ETS1: variants seen among roughly 807,000 people sequenced by gnomAD.
ETS1 encodes ETS proto-oncogene 1, transcription factor.
Under a neutral mutation model 58.6 loss-of-function variants are expected in ETS1, and 15 were observed. The observed-to-expected ratio is 0.26, with a 90% CI of 0.17 to 0.39. ETS1 has a LOEUF of 0.39. Ranked by LOEUF, ETS1 falls within the 10% of genes least tolerant of loss-of-function variation. The pLI, the probability that ETS1 is intolerant of heterozygous loss-of-function variation, is 1.00. For missense variants in ETS1, 417 were observed against 610.5 expected, an observed-to-expected ratio of 0.68 and a Z score of 3.34; for synonymous variants, 214 against 218.2, an observed-to-expected ratio of 0.98 and a Z score of 0.17.
At chr11:128,581,629 G>A (rs538576481) in intron 1 of ETS1, among the ~76,000 whole-genome samples, 1 of 152,126 alleles carries the variant, frequency 6.6e-6, no homozygotes, top group African/African-American at 2.4e-5. Context: ...TCGTAATAGA[G>A]GCCATGGAAT....
rs1304765667 is a variant in ETS1 at position 128,462,298 on chromosome 11, G to A, written c.*63C>T. 1.5e-6 allele frequency: 2 copies of A among 1,302,164 alleles called. No homozygotes were observed. The highest frequency in any genetic ancestry group is 2.2e-6 in the Non-Finnish European group (2 of 912,382). The allele number at this position is 1,302,164 out of a possible 1,614,324, so 80.7% of individuals were successfully genotyped here. A position where few individuals can be genotyped will look rare whatever the true frequency, so the allele number is the denominator to read the frequency against. ...ATAGAATAACAATTCAAAATTCAGA[G>A]TCCAACCAACACGGCTGTCCTTGGA... is the stretch of plus-strand genomic sequence containing the variant. On this transcript the variant is annotated 3_prime_UTR_variant, in exon 10 of 10. Transcript: ENST00000392668.
chr11:128,488,177 T>C (rs1862691479), intron 5 of ETS1, among the ~76,000 whole-genome samples: 1 of 152,196 alleles, frequency 6.6e-6, no homozygotes, highest in African/African-American at 2.4e-5. Flanking sequence ...TCAACACCTA[T>C]GAGTGGGTGT....
At chr11:128,473,376 A>G (rs879440413) in intron 8 of ETS1, among the ~76,000 whole-genome samples, 24 of 152,236 alleles carry the variant, frequency 1.6e-4, no homozygotes, top group Non-Finnish European at 2.4e-4. Context: ...CTTCCTGTAT[A>G]CCCAGCACTG....
intron 3 of ETS1, among the ~76,000 whole-genome samples, chr11:128,528,391 T>C (rs1863839084): frequency 6.6e-6 from 1 of 152,110 alleles, no homozygotes; most frequent in African/African-American, 2.4e-5. Flanking sequence ...ATATAGAGTG[T>C]GTTTCTCAGT....
intron 3 of ETS1, among the ~76,000 whole-genome samples, chr11:128,529,615 G>A (rs1863862866): frequency 1.3e-5 from 2 of 152,268 alleles, no homozygotes; most frequent in African/African-American, 4.8e-5. Context: ...AGTTCTGAGG[G>A]GGAATCATGA....
chr11:128,533,244 A>G (rs978424495), intron 3 of ETS1, among the ~76,000 whole-genome samples: 1 of 152,234 alleles, frequency 6.6e-6, no homozygotes, highest in African/African-American at 2.4e-5. Context: ...ATCTTTGGCC[A>G]GCATTCCCCA....
intron 3 of ETS1, among the ~76,000 whole-genome samples, chr11:128,546,531 A>T (rs1864135311): frequency 6.6e-6 from 1 of 152,188 alleles, no homozygotes; most frequent in Non-Finnish European, 1.5e-5. Context: ...AGTCATCTCA[A>T]ATTTACTTAT....
At chr11:128,554,418 T>C (rs932717973) in intron 3 of ETS1, among the ~76,000 whole-genome samples, 1 of 152,016 alleles carries the variant, frequency 6.6e-6, no homozygotes, top group African/African-American at 2.4e-5. Flanking sequence ...AACTATAAAC[T>C]ATGAGAAGAA....
intron 2 of ETS1, among the ~76,000 whole-genome samples, chr11:128,560,173 C>T (rs895905201): frequency 1.3e-5 from 2 of 151,872 alleles, no homozygotes; most frequent in South Asian, 2.1e-4. Context: ...AGTGCAGTGG[C>T]GCAATCTCGG....
At position 128,581,259 on chromosome 11, in the gene ETS1, A is replaced by G. The variant is rs114612598; in HGVS notation, c.-15+6229T>C. Among the ~76,000 whole-genome samples, 1,044 of 152,310 alleles carry G rather than the reference A, an allele frequency of 6.9e-3. 14 individuals are homozygous for G. Among genetic ancestry groups the G allele is most frequent in the African/African-American group, 0.023 (942 of 41,566 alleles). ...GACTCTTAGGTCTAGGAATCTAACT[A>G]AGAAAATGCCAATTCTAGTCTCTGA... On this transcript the variant is annotated intron_variant, in intron 1 of 9. Transcript: ENST00000392668.
rs187154249 is a variant in ETS1, at chr11:128,566,611, G to A, written c.69+6451C>T. 6.2e-3 allele frequency among the ~76,000 whole-genome samples: 949 copies of A among 152,020 alleles called. 9 individuals are homozygous for A. Among genetic ancestry groups the A allele is most frequent in the African/African-American group, 0.017 (710 of 41,480 alleles). On this transcript the variant is annotated intron_variant, in intron 2 of 9. Coordinates refer to ENST00000392668, the MANE Select transcript of ETS1 (RefSeq NM_001143820.2). ...ATCCTGGCTAACACAGTGAAACCCC[G>A]TCTCTACTAAAAATACAAAAAATTA...
At chr11:128,489,939 A>G (rs1441506707) in intron 4 of ETS1, among the ~76,000 whole-genome samples, 2 of 152,192 alleles carry the variant, frequency 1.3e-5, no homozygotes, top group East Asian at 1.9e-4. Flanking sequence ...ATCTTAGCCA[A>G]TTATAGTGGT....
At chr11:128,494,441 G>C (rs1862884393) in intron 3 of ETS1, among the ~76,000 whole-genome samples, 1 of 152,176 alleles carries the variant, frequency 6.6e-6, no homozygotes, top group South Asian at 2.1e-4. Flanking sequence ...GAAGTGAGCA[G>C]GTAGCTTTCT....
intron 8 of ETS1, among the ~76,000 whole-genome samples, chr11:128,479,867 G>A (rs374578777): frequency 2.0e-5 from 3 of 151,774 alleles, no homozygotes; most frequent in African/African-American, 4.8e-5. Context: ...CTGATGCCAG[G>A]CCACTAGATA....
chr11:128,496,102 ATAGAGT>A (rs1165710720), intron 3 of ETS1, among the ~76,000 whole-genome samples: 1 of 152,164 alleles, frequency 6.6e-6, no homozygotes, highest in Non-Finnish European at 1.5e-5. Context: ...AAGGGAGATC[ATAGAGT>A]TAAAGTTCAA....
At chr11:128,510,485 G>A (rs1337411033) in intron 3 of ETS1, among the ~76,000 whole-genome samples, 2 of 152,082 alleles carry the variant, frequency 1.3e-5, no homozygotes, top group Non-Finnish European at 2.9e-5. Flanking sequence ...TTCAAACCGG[G>A]CAAAGCTAAG....
At chr11:128,544,879 T>C (rs1864109486) in intron 3 of ETS1, among the ~76,000 whole-genome samples, 1 of 152,188 alleles carries the variant, frequency 6.6e-6, no homozygotes, top group African/African-American at 2.4e-5. Context: ...GTCTCTCTAT[T>C]CAGAGGTCTG....
chr11:128,484,768 A>G (rs2135450314), intron 7 of ETS1, 55 bp downstream of exon 7: 1 of 1,541,682 alleles, frequency 6.5e-7, no homozygotes, highest in Non-Finnish European at 8.8e-7. Flanking sequence ...AAAAACTCAC[A>G]AAGTCAGGTA....
chr11:128,480,337 G>A lies in ETS1; in HGVS notation c.977C>T (p.Ser326Phe). The change falls in exon 8 of 10, where the codon TCC (serine) becomes TTC (phenylalanine). Residue 326 changes from serine (S) to phenylalanine (F), a missense_variant. Ser to Phe is a radical substitution (Grantham distance 155). Transcript: ENST00000392668. The part of the protein sequence containing the change: ...SSFNSLQRVP[S>F]YDSFDSEDYP... Reference sequence around the variant, plus strand: ...GTCCTCTGAGTCGAAGCTGTCATAGGAGGGAACACGCTGCAGGCTGTTGAA... The same window carrying A: ...GTCCTCTGAGTCGAAGCTGTCATAGAAGGGAACACGCTGCAGGCTGTTGAA... 6.2e-7 allele frequency: 1 copy of A among 1,614,162 alleles called. No individual in the cohort carries two copies. The highest frequency in any genetic ancestry group is 8.5e-7 in the Non-Finnish European group (1 of 1,180,028).
Sources: allele counts gnomAD v4.1 joint callset (sites outside exome capture counted in the v4.1 genomes callset), GRCh38; gene constraint gnomAD v4.1.1; transcripts MANE v1.5; gene names NCBI Gene and HGNC (gene_info 2026-07-23, HGNC 2026-07-21).